The following ARPC1A variants were observed in gnomAD, a reference collection of about 807,000 sequenced individuals.
ARPC1A encodes actin related protein 2/3 complex subunit 1A.
Under a neutral mutation model 46.9 loss-of-function variants are expected in ARPC1A, and 8 were observed. That is an observed-to-expected ratio of 0.17 (90% CI 0.10 to 0.31). The LOEUF is 0.31. Among genes scored for constraint, ARPC1A ranks in the 10% least tolerant of loss-of-function variants. ARPC1A has a pLI of 1.00. For synonymous variants in ARPC1A, 152 were observed against 169.0 expected (o/e 0.90, Z 0.78); for missense variants, 286 against 483.6 (o/e 0.59, Z 3.83).
At chr7:99,344,917 G>GTTTTTTTTTTT (rs1562799264) in intron 4 of ARPC1A, among the ~76,000 whole-genome samples, 8 of 29,586 alleles carry the variant, frequency 2.7e-4, no homozygotes, top group African/African-American at 1.1e-3. Context: ...AGATAACAAT[G>GTTTTTTTTTTT]TTCTTTTTTT....
intron 3 of ARPC1A, among the ~76,000 whole-genome samples, chr7:99,339,452 C>T (rs1309113478): frequency 6.6e-6 from 1 of 152,042 alleles, no homozygotes; most frequent in Non-Finnish European, 1.5e-5. Flanking sequence ...CCACTTGAGA[C>T]AAGATCAAGG....
intron 4 of ARPC1A, among the ~76,000 whole-genome samples, chr7:99,346,975 T>A (rs1188128620): frequency 2.6e-5 from 4 of 152,158 alleles, no homozygotes; most frequent in African/African-American, 7.2e-5. Flanking sequence ...CAAGACTCTG[T>A]CTCAAAAAAT....
chr7:99,359,779 C>T, intron 8 of ARPC1A, 41 bp downstream of exon 8: 2 of 1,602,998 alleles, frequency 1.2e-6, no homozygotes, highest in Middle Eastern at 1.7e-4. Context: ...TGACAAGGTG[C>T]CTTCCTGCCC....
chr7:99,342,965 G>T (rs1392228468), intron 3 of ARPC1A, among the ~76,000 whole-genome samples: 2 of 151,808 alleles, frequency 1.3e-5, no homozygotes, highest in African/African-American at 4.8e-5. Flanking sequence ...CTCGTGATCC[G>T]CCTGCCTCGG....
chr7:99,332,257 T>A (rs1400533394), intron 1 of ARPC1A, among the ~76,000 whole-genome samples: 1 of 152,186 alleles, frequency 6.6e-6, no homozygotes, highest in Non-Finnish European at 1.5e-5. Context: ...GCATAATTAT[T>A]ATTTATTTTT....
intron 1 of ARPC1A, among the ~76,000 whole-genome samples, chr7:99,330,110 T>C (rs1482902997): frequency 3.9e-5 from 6 of 152,140 alleles, no homozygotes; most frequent in Non-Finnish European, 7.4e-5. Context: ...GCATTTAAAA[T>C]TTTTTTAAAT....
At chr7:99,341,549 C>T (rs921619774) in intron 3 of ARPC1A, among the ~76,000 whole-genome samples, 4 of 147,318 alleles carry the variant, frequency 2.7e-5, no homozygotes, top group African/African-American at 1.0e-4. Flanking sequence ...GCGGAGGTTA[C>T]GGTGAGCCGA....
intron 8 of ARPC1A, among the ~76,000 whole-genome samples, chr7:99,360,974 A>AAATAT (rs1224699915): frequency 1.3e-5 from 2 of 150,338 alleles, no homozygotes; most frequent in Non-Finnish European, 2.9e-5. Context: ...CCTGGAGGAG[A>AAATAT]AATATATGCT....
chr7:99,338,378 ATT>A (rs754747240), intron 3 of ARPC1A, 93 bp downstream of exon 3: 9,223 of 239,870 alleles, frequency 0.038, no homozygotes, highest in South Asian at 0.054. Flanking sequence ...GGTGGCCATA[ATT>A]TTTTTTTTTT....
At chr7:99,353,182 G>A (rs976927855) in intron 5 of ARPC1A, among the ~76,000 whole-genome samples, 2 of 149,756 alleles carry the variant, frequency 1.3e-5, no homozygotes, top group African/African-American at 2.4e-5. Flanking sequence ...TTTTAGAGAC[G>A]GTGTCTCGCT....
At position 99,363,559 on chromosome 7, in the gene ARPC1A, G is replaced by A; in HGVS notation, c.1000G>A (p.Glu334Lys). ...QNSITQVSIY[E>K]VDKQDCRKFC... ...TTTTTTCAGTCAAGTCTCTATTTAT[G>A]AGGTGGACAAGCAAGATTGTCGCAA... Residue 334 changes from glutamate (E) to lysine (K), a missense_variant, in exon 9 of 10, where the codon GAG (glutamate) becomes AAG (lysine). Physicochemically the swap from Glu to Lys is moderately conservative, Grantham distance 56 (BLOSUM62 1). Around this residue, in one of 5 missense-constraint regions of ARPC1A, gnomAD observed 182 missense variants for 276.7 expected, o/e 0.66. Transcript: ENST00000262942. The A allele has an allele frequency of 6.2e-7, 1 of 1,613,018 alleles. No homozygotes were observed. Among genetic ancestry groups the A allele is most frequent in the Non-Finnish European group, 8.5e-7 (1 of 1,179,706 alleles).
At chr7:99,344,917 G>GTTTTTTTTTTTTT (rs1562799264) in intron 4 of ARPC1A, among the ~76,000 whole-genome samples, 4 of 29,594 alleles carry the variant, frequency 1.4e-4, no homozygotes, top group African/African-American at 7.7e-4. Flanking sequence ...AGATAACAAT[G>GTTTTTTTTTTTTT]TTCTTTTTTT....
chr7:99,327,437 A>T (rs1199281307), intron 1 of ARPC1A, among the ~76,000 whole-genome samples: 4 of 150,974 alleles, frequency 2.6e-5, no homozygotes, highest in African/African-American at 9.8e-5. Flanking sequence ...CAGCCTCCCG[A>T]GTAGCTGTGA....
intron 2 of ARPC1A, 78 bp from the exon 3 acceptor site, chr7:99,338,103 A>T: frequency 1.8e-6 from 2 of 1,105,330 alleles, no homozygotes; most frequent in Non-Finnish European, 2.6e-6. Context: ...GTCTGCTTTT[A>T]AAACAACTGT....
At chr7:99,333,559 C>A in intron 2 of ARPC1A, 142 bp downstream of exon 2, 2 of 728,146 alleles carry the variant, frequency 2.7e-6, no homozygotes, top group Non-Finnish European at 4.4e-6. Context: ...GGAACTAAGT[C>A]AGTCCTTTGG....
At position 99,333,384 on chromosome 7, in the gene ARPC1A, A is replaced by G. The variant is rs762792286; in HGVS notation, c.31A>G (p.Ile11Val). MSLHQFLLEP[I>V]TCHAWNRDRT... ...ACTGCATCAGTTTTTACTAGAGCCA[A>G]TCACCTGTCATGCCTGGAACAGGGA... The change falls in exon 2 of 10, where the codon ATC becomes GTC. Residue 11 changes from isoleucine to valine, a missense_variant. Transcript: ENST00000262942. 2 of 1,613,850 alleles carry G rather than the reference A, an allele frequency of 1.2e-6. No individual in the cohort carries two copies. The highest frequency in any genetic ancestry group is 1.7e-6 in the Non-Finnish European group (2 of 1,179,868).
At chr7:99,348,061 T>G (rs1270820793) in intron 4 of ARPC1A, among the ~76,000 whole-genome samples, 1 of 152,128 alleles carries the variant, frequency 6.6e-6, no homozygotes, top group East Asian at 1.9e-4. Context: ...ATCCCCAACA[T>G]GAGGTTCTTC....
chr7:99,338,296 A>T lies in ARPC1A; in HGVS notation c.169+11A>T. 6.4e-7 allele frequency: 1 copy of T among 1,570,814 alleles called. No homozygotes were observed. The highest frequency in any genetic ancestry group is 8.7e-7 in the Non-Finnish European group (1 of 1,146,222). ...ACGGACACATCACAGGTAAAGGAAG[A>T]TAGCCGTGAGCTTAGTGTGATATTT... On this transcript the variant is annotated intron_variant, in intron 3 of 9. Transcript: ENST00000262942.
chr7:99,328,350 CAA>C (rs1041897432), intron 1 of ARPC1A, among the ~76,000 whole-genome samples: 5 of 152,128 alleles, frequency 3.3e-5, no homozygotes, highest in Non-Finnish European at 7.3e-5. Flanking sequence ...GCCTAGGCAA[CAA>C]GAGCAAAACT....
Sources: gnomAD v4.1 joint callset for allele counts (sites outside exome capture counted in the v4.1 genomes callset) on GRCh38, gnomAD v4.1.1 for gene constraint, gnomAD v4.1.1 regional missense constraint, MANE v1.5 for transcripts, NCBI Gene and HGNC (gene_info 2026-07-23, HGNC 2026-07-21) for gene names.